Variants in COLGALT1 observed in about 807,000 individuals in gnomAD.
COLGALT1 encodes the protein procollagen galactosyltransferase 1.
A neutral mutation model predicts 60.8 loss-of-function variants in COLGALT1; 43 were observed. The ratio of observed to expected loss-of-function variants is 0.71; its 90% confidence interval spans 0.55 to 0.91. The LOEUF (loss-of-function observed/expected upper bound fraction) is 0.91, where lower values mean the gene tolerates loss of function less well. Among genes scored for constraint, COLGALT1 ranks in the 40% least tolerant of loss-of-function variants. COLGALT1 has a pLI of 0.00. For synonymous variants in COLGALT1, 369 were observed against 374.2 expected (o/e 0.99, Z 0.16); for missense variants, 845 against 880.0 (o/e 0.96, Z 0.50).
intron 1 of COLGALT1, among the ~76,000 whole-genome samples, chr19:17,556,927 A>G (rs911721616): frequency 6.6e-6 from 1 of 152,140 alleles, no homozygotes; most frequent in Non-Finnish European, 1.5e-5. Flanking sequence ...AAAGAAAAAG[A>G]AAAGAAAATG....
At chr19:17,564,028 G>T (rs1219375982) in intron 3 of COLGALT1, among the ~76,000 whole-genome samples, 1 of 150,478 alleles carries the variant, frequency 6.6e-6, no homozygotes, top group Admixed American at 6.7e-5. Flanking sequence ...TTGAGGTCAG[G>T]AGTTCAAAAC....
At chr19:17,565,105 TCTC>T (rs1208834036) in intron 3 of COLGALT1, among the ~76,000 whole-genome samples, 2 of 152,174 alleles carry the variant, frequency 1.3e-5, no homozygotes, top group African/African-American at 4.8e-5. Context: ...GTTATGTTGA[TCTC>T]CTCATCCGTT....
intron 9 of COLGALT1, among the ~76,000 whole-genome samples, chr19:17,578,487 C>G (rs2076358703): frequency 1.3e-5 from 2 of 152,202 alleles, no homozygotes. Context: ...CTCACCAGCC[C>G]AGGCATCCTC....
At chr19:17,571,167 C>T (rs1343128423) in intron 5 of COLGALT1, among the ~76,000 whole-genome samples, 1 of 152,042 alleles carries the variant, frequency 6.6e-6, no homozygotes, top group Non-Finnish European at 1.5e-5. Context: ...CCTGTAATCC[C>T]AGCACTTTGG....
chr19:17,555,846 C>A lies in COLGALT1; in HGVS notation c.133C>A (p.Pro45Thr), dbSNP rs1229465169. The change falls in exon 1 of 12, where the codon CCG (proline) becomes ACG (threonine). Residue 45 changes from proline to threonine, a missense_variant. Transcript: ENST00000252599. Reference sequence around the variant, plus strand: ...CTACTTCCCCGAGGAGCGCTGGAGCCCGGAGTCGCCCCTGCAGGCGCCGCG... The same window carrying A: ...CTACTTCCCCGAGGAGCGCTGGAGCACGGAGTCGCCCCTGCAGGCGCCGCG... The part of the protein sequence containing the change: ...DAYFPEERWS[P>T]ESPLQAPRVL... 3.0e-6 allele frequency: 4 copies of A among 1,355,266 alleles called. No individual in the cohort carries two copies. The highest frequency in any genetic ancestry group is 3.4e-5 in the Admixed American group (1 of 29,158). 84.0% of individuals were successfully genotyped at this position (1,355,266 alleles called of 1,614,324 possible).
Position 17,555,764 on chromosome 19 carries a change from G to A in COLGALT1, c.51G>A (p.Ala17=). The A allele has an allele frequency of 8.1e-7, 1 of 1,227,108 alleles. No individual in the cohort carries two copies. Among genetic ancestry groups the A allele is most frequent in the Non-Finnish European group, 1.0e-6 (1 of 985,320 alleles). The allele number at this position is 1,227,108 out of a possible 1,614,324, so 76.0% of individuals were successfully genotyped here. A position where few individuals can be genotyped will look rare whatever the true frequency, so the allele number is the denominator to read the frequency against. ...AGRRRGQPLL[A]LLLLLLAPLP... is the part of the protein sequence containing the mutation. ...GGCGGCGCGGGCAGCCGCTCCTGGC[G>A]CTGCTGCTTCTGCTGCTGGCGCCAC... Residue 17 remains alanine (A), a synonymous_variant, in exon 1 of 12, where the codon GCG becomes GCA. Coordinates refer to ENST00000252599, the MANE Select transcript of COLGALT1 (RefSeq NM_024656.4).
intron 1 of COLGALT1, among the ~76,000 whole-genome samples, chr19:17,558,977 G>C (rs912548499): frequency 6.6e-6 from 1 of 152,028 alleles, no homozygotes; most frequent in Non-Finnish European, 1.5e-5. Flanking sequence ...TGGCCAACAT[G>C]GTGAAACCCC....
At chr19:17,568,467 C>T (rs2076292156) in intron 4 of COLGALT1, 42 bp from the exon 5 acceptor site, 1 of 1,544,580 alleles carries the variant, frequency 6.5e-7, no homozygotes, top group Non-Finnish European at 8.9e-7. Context: ...CCATCCTCAC[C>T]TTTCAAGACC....
Position 17,555,879 on chromosome 19 carries a change from A to G in COLGALT1, c.166A>G (p.Ile56Val). 3 of 1,387,014 alleles carry G rather than the reference A, an allele frequency of 2.2e-6. No individual in the cohort carries two copies. The highest frequency in any genetic ancestry group is 2.8e-6 in the Non-Finnish European group (3 of 1,068,054). 85.9% of individuals were successfully genotyped at this position (1,387,014 alleles called of 1,614,324 possible). ...ESPLQAPRVL[I>V]ALLARNAAHA... ...GCCCCTGCAGGCGCCGCGCGTGCTC[A>G]TCGCGCTGTTGGCGCGAAACGCGGC... Residue 56 changes from isoleucine (I) to valine (V), a missense_variant, in exon 1 of 12, where the codon ATC becomes GTC. Transcript: ENST00000252599.
chr19:17,577,274 G>A lies in COLGALT1; in HGVS notation c.1026+3G>A. The A allele has an allele frequency of 5.0e-6, 8 of 1,613,176 alleles. No individual in the cohort carries two copies. Among genetic ancestry groups the A allele is most frequent in the Non-Finnish European group, 6.8e-6 (8 of 1,179,676 alleles). On this transcript the variant is annotated splice_donor_region_variant and intron_variant, in intron 7 of 11. Coordinates refer to ENST00000252599, the MANE Select transcript of COLGALT1 (RefSeq NM_024656.4). ...CGGACAAGATGGGCTTCGACGAGGT[G>A]AGCTGGGCCTTCCCTGGAGGCGGGG... is the stretch of plus-strand genomic sequence containing the variant.
chr19:17,556,299 G>C (rs1267755644), intron 1 of COLGALT1, among the ~76,000 whole-genome samples: 1 of 152,346 alleles, frequency 6.6e-6, no homozygotes, highest in South Asian at 2.1e-4. Flanking sequence ...ACCCTACTAG[G>C]GCAGCTCCGG....
chr19:17,578,933 C>T (rs4808670), intron 9 of COLGALT1, among the ~76,000 whole-genome samples: 1 of 151,826 alleles, frequency 6.6e-6, no homozygotes, highest in Admixed American at 6.6e-5. Context: ...TCACTTGAAC[C>T]CAGGAGGCAG....
At chr19:17,562,883 G>A (rs1415530829) in intron 3 of COLGALT1, among the ~76,000 whole-genome samples, 1 of 152,142 alleles carries the variant, frequency 6.6e-6, no homozygotes, top group African/African-American at 2.4e-5. Context: ...GACGGATGGA[G>A]CTCCTGAGGG....
At chr19:17,561,751 G>C (rs1410660926) in intron 3 of COLGALT1, among the ~76,000 whole-genome samples, 4 of 152,006 alleles carry the variant, frequency 2.6e-5, no homozygotes, top group Non-Finnish European at 5.9e-5. Flanking sequence ...TTGTGAAGTG[G>C]TGAAGTCAGA....
At chr19:17,573,981 C>A (rs73022501) in intron 6 of COLGALT1, among the ~76,000 whole-genome samples, 36,355 of 151,932 alleles carry the variant, frequency 0.24, 5,173 homozygotes, top group Middle Eastern at 0.33. Context: ...GACCCTGTAT[C>A]AATAAATAAA....
intron 3 of COLGALT1, 88 bp from the exon 4 acceptor site, chr19:17,567,318 C>T: frequency 3.2e-6 from 5 of 1,553,600 alleles, no homozygotes; most frequent in South Asian, 1.2e-5. Context: ...CTTTGCCAGA[C>T]CCCCAGGGCA....
At chr19:17,558,025 C>T (rs980431727) in intron 1 of COLGALT1, among the ~76,000 whole-genome samples, 1 of 152,006 alleles carries the variant, frequency 6.6e-6, no homozygotes, top group Non-Finnish European at 1.5e-5. Flanking sequence ...GCAACCTCCT[C>T]CTCCCAGGTT....
At chr19:17,564,286 CGT>C (rs781345675) in intron 3 of COLGALT1, among the ~76,000 whole-genome samples, 8 of 147,114 alleles carry the variant, frequency 5.4e-5, no homozygotes, top group African/African-American at 1.0e-4. Context: ...TATGTGTGTG[CGT>C]GTGTGTATAC....
rs758823019 is a variant in COLGALT1, at chr19:17,581,197, T to A, written c.1622T>A (p.Phe541Tyr). 31 of 1,605,078 alleles carry A rather than the reference T, an allele frequency of 1.9e-5. No homozygotes were observed. The African/African-American group carries it at 3.5e-4, about 18-fold the overall frequency. Residue 541 changes from phenylalanine to tyrosine, a missense_variant, in exon 12 of 12, where the codon TTC (phenylalanine) becomes TAC (tyrosine). By Grantham distance (22) the Phe-to-Tyr change is conservative. Transcript: ENST00000252599. ...KHPVSEYKAH[F>Y]SLRNLHAFSV... ...CCCAGGTCCGAGTACAAGGCCCACT[T>A]CTCCCTCCGCAACCTGCATGCCTTC...
Sources: allele counts gnomAD v4.1 joint callset (sites outside exome capture counted in the v4.1 genomes callset), GRCh38; gene constraint gnomAD v4.1.1; transcripts MANE v1.5; gene names NCBI Gene and HGNC (gene_info 2026-07-23, HGNC 2026-07-21).